Variants in DNAAF11 observed in about 807,000 individuals in gnomAD.
DNAAF11 encodes leucine rich repeat containing 6.
A neutral mutation model predicts 60.8 loss-of-function variants in DNAAF11; 45 were observed. The observed-to-expected ratio is 0.74, with a 90% CI of 0.58 to 0.95. The LOEUF is 0.95. Ranked by LOEUF, DNAAF11 falls within the 40% of genes least tolerant of loss-of-function variation. The pLI, the probability that DNAAF11 is intolerant of heterozygous loss-of-function variation, is 0.00. For synonymous variants in DNAAF11, 191 were observed against 183.5 expected, an observed-to-expected ratio of 1.04 and a Z score of -0.33; for missense variants, 546 against 546.2, an observed-to-expected ratio of 1.00 and a Z score of 0.00.
rs1820116842 is a variant in DNAAF11, at chr8:132,625,092, T to C, written c.836+180A>G. Among the ~76,000 whole-genome samples, 4 of 152,254 alleles carry C rather than the reference T, an allele frequency of 2.6e-5. No homozygotes were observed. The South Asian group carries it at 8.3e-4, about 32-fold the overall frequency. The stretch of plus-strand genomic sequence containing the variant: ...ATAATTCATGATGTTCTAAAGAAGG[T>C]ACTTTGATATTAATGAATGTTAGCC... On this transcript the variant is annotated intron_variant, in intron 6 of 11. Coordinates refer to ENST00000620350, the MANE Select transcript of DNAAF11 (RefSeq NM_012472.6).
At chr8:132,675,558 T>A (rs894751267), upstream of DNAAF11, 4 of 1,476,186 alleles carry the variant, frequency 2.7e-6, no homozygotes, top group African/African-American at 4.3e-5. Flanking sequence ...TTTTCACCCT[T>A]CACCCCTGCT....
chr8:132,681,021 T>TTTTTTTG, the DNAAF11 span, among the ~76,000 whole-genome samples: 1 of 125,564 alleles, frequency 8.0e-6, no homozygotes, highest in South Asian at 2.8e-4. Context: ...TTTTTTTTTT[T>TTTTTTTG]TTTTTTGAGA....
chr8:132,612,396 C>G (rs1818758664), intron 8 of DNAAF11, among the ~76,000 whole-genome samples: 7 of 152,098 alleles, frequency 4.6e-5, no homozygotes, highest in Admixed American at 4.6e-4. Context: ...TGCTTGGGCC[C>G]CCTAAAATGT....
the DNAAF11 span, among the ~76,000 whole-genome samples, chr8:132,693,178 C>T: frequency 6.6e-6 from 1 of 151,982 alleles, no homozygotes; most frequent in Non-Finnish European, 1.5e-5. Flanking sequence ...GAGAAGGGGA[C>T]CCAGGGACAG....
chr8:132,571,948 T>C lies in DNAAF11; in HGVS notation c.*358A>G, dbSNP rs903586735. On this transcript the variant is annotated 3_prime_UTR_variant, in exon 12 of 12. Coordinates refer to ENST00000620350, the MANE Select transcript of DNAAF11 (RefSeq NM_012472.6). ...GAAATTACAGTTTTAACTTCTAAGC[T>C]TGACCACTTTGCTGAAGTACCAATT... 2 of 173,838 alleles carry C rather than the reference T, an allele frequency of 1.2e-5. No individual in the cohort carries two copies. The highest frequency in any genetic ancestry group is 4.7e-5 in the African/African-American group (2 of 42,370). The allele number at this position is 173,838 out of a possible 1,614,324, so 10.8% of individuals were successfully genotyped here.
In DNAAF11 at chr8:132,598,037, T is replaced by C. The variant is rs964889677; in HGVS notation, c.1140+12129A>G. 6.6e-5 allele frequency among the ~76,000 whole-genome samples: 10 copies of C among 152,344 alleles called. No individual in the cohort carries two copies. In the South Asian group the frequency reaches 8.3e-4, roughly 13 times the overall value. On this transcript the variant is annotated intron_variant, in intron 10 of 11. Transcript: ENST00000620350. ...GGCTGTAGATGAAAATTATGAGGCATTGTTTGTGTTCATTTGGAAACATAC... is the reference window on the plus strand; with the variant it reads ...GGCTGTAGATGAAAATTATGAGGCACTGTTTGTGTTCATTTGGAAACATAC...
intron 1 of DNAAF11, among the ~76,000 whole-genome samples, chr8:132,671,142 A>G (rs1197521676): frequency 3.9e-5 from 6 of 152,228 alleles, no homozygotes; most frequent in Admixed American, 3.3e-4. Flanking sequence ...AATTATTTCT[A>G]TTTGCAGATG....
chr8:132,671,576 T>A (rs569681054), intron 1 of DNAAF11, among the ~76,000 whole-genome samples: 1 of 152,268 alleles, frequency 6.6e-6, no homozygotes, highest in African/African-American at 2.4e-5. Context: ...AATACAACTT[T>A]AAAAGATTAA....
chr8:132,697,486 C>T, the DNAAF11 span, among the ~76,000 whole-genome samples: 1 of 152,048 alleles, frequency 6.6e-6, no homozygotes, highest in Non-Finnish European at 1.5e-5. Context: ...GGTGTGGTGG[C>T]ATGCACCTGT....
At chr8:132,633,065 T>A (rs955675396) in intron 4 of DNAAF11, 102 bp from the exon 5 acceptor site, 1 of 662,974 alleles carries the variant, frequency 1.5e-6, no homozygotes, top group East Asian at 2.7e-5. Context: ...CCGATAGTGA[T>A]AGAGAATTAA....
intron 6 of DNAAF11, among the ~76,000 whole-genome samples, chr8:132,623,491 G>C (rs1819959653): frequency 6.6e-6 from 1 of 152,026 alleles, no homozygotes; most frequent in South Asian, 2.1e-4. Context: ...GGTTGGATAG[G>C]AGGTAAATAA....
At chr8:132,639,489 G>T (rs896816724) in intron 3 of DNAAF11, among the ~76,000 whole-genome samples, 1 of 151,862 alleles carries the variant, frequency 6.6e-6, no homozygotes. Context: ...GTGAATTTTG[G>T]TTCCTGATAG....
intron 1 of DNAAF11, among the ~76,000 whole-genome samples, chr8:132,670,965 A>G (rs1289688224): frequency 1.3e-5 from 2 of 152,180 alleles, no homozygotes; most frequent in Non-Finnish European, 2.9e-5. Flanking sequence ...CTTGACAAGG[A>G]GCATCCACAA....
At chr8:132,663,057 T>C (rs763495547) in intron 1 of DNAAF11, among the ~76,000 whole-genome samples, 3 of 152,100 alleles carry the variant, frequency 2.0e-5, no homozygotes, top group Non-Finnish European at 4.4e-5. Context: ...ATACCATACA[T>C]GGGGAAAGTC....
At chr8:132,624,104 C>A (rs1227500213) in intron 6 of DNAAF11, among the ~76,000 whole-genome samples, 1 of 152,120 alleles carries the variant, frequency 6.6e-6, no homozygotes, top group Non-Finnish European at 1.5e-5. Context: ...TACATACCCA[C>A]AGATATATAA....
intron 8 of DNAAF11, among the ~76,000 whole-genome samples, chr8:132,614,257 G>A (rs1818936064): frequency 6.6e-6 from 1 of 152,190 alleles, no homozygotes; most frequent in Non-Finnish European, 1.5e-5. Context: ...AGGACACGAG[G>A]CAGCAAGCCA....
At chr8:132,621,108 T>C (rs559065461) in intron 7 of DNAAF11, among the ~76,000 whole-genome samples, 1 of 152,244 alleles carries the variant, frequency 6.6e-6, no homozygotes, top group East Asian at 1.9e-4. Flanking sequence ...AGGGGTGCTA[T>C]ATCTAGATGG....
At chr8:132,589,706 C>T (rs187764084) in intron 10 of DNAAF11, among the ~76,000 whole-genome samples, 1 of 152,266 alleles carries the variant, frequency 6.6e-6, no homozygotes, top group Non-Finnish European at 1.5e-5. Flanking sequence ...TTCACACATT[C>T]GAATCATTGG....
In DNAAF11 at chr8:132,625,472, A is replaced by T. The variant is rs533689768; in HGVS notation, c.654-18T>A. The T allele has an allele frequency of 6.3e-7, 1 of 1,577,896 alleles. No homozygotes were observed. Among genetic ancestry groups the T allele is most frequent in the East Asian group, 2.3e-5 (1 of 44,432 alleles). ...AAGAGGAACTAGGAAAAACAAATAG[A>T]GCACTTAAAAACAATAATGGATTCA... On this transcript the variant is annotated intron_variant, in intron 5 of 11. Coordinates refer to ENST00000620350, the MANE Select transcript of DNAAF11 (RefSeq NM_012472.6).
Sources: allele counts gnomAD v4.1 joint callset (sites outside exome capture counted in the v4.1 genomes callset), GRCh38; gene constraint gnomAD v4.1.1; transcripts MANE v1.5; gene names NCBI Gene and HGNC (gene_info 2026-07-23, HGNC 2026-07-21).